Variants in PCDHA13 observed in about 807,000 individuals in gnomAD.
The protein encoded by PCDHA13 is protocadherin alpha-13.
In PCDHA13, 54 loss-of-function variants were observed where a neutral mutation model predicts 64.8. The ratio of observed to expected loss-of-function variants is 0.83; its 90% CI spans 0.67 to 1.04. The LOEUF is 1.04. PCDHA13 is among the 50% of genes least tolerant of loss of function. The probability of loss-of-function intolerance (pLI) is 0.00; values close to 1 mark genes in which losing one functional copy is unlikely to be tolerated. For synonymous variants in PCDHA13, 587 were observed against 564.4 expected (o/e 1.04, Z -0.57); for missense variants, 1,248 against 1,254.3 (o/e 0.99, Z 0.08).
At chr5:140,975,935 C>A (rs1351802479) in intron 1 of PCDHA13, among the ~76,000 whole-genome samples, 1 of 152,060 alleles carries the variant, frequency 6.6e-6, no homozygotes, top group Non-Finnish European at 1.5e-5. Flanking sequence ...ACCTTTGAAG[C>A]AATAGGACAT....
intron 1 of PCDHA13, among the ~76,000 whole-genome samples, chr5:140,957,373 T>C (rs906109440): frequency 6.6e-5 from 10 of 152,310 alleles, no homozygotes; most frequent in African/African-American, 2.2e-4. Context: ...ACTTTTATTA[T>C]AGTGTATTGT....
chr5:140,928,602 G>A (rs927910920), intron 1 of PCDHA13: 26 of 1,614,058 alleles, frequency 1.6e-5, no homozygotes, highest in Non-Finnish European at 2.2e-5. Context: ...TGGAAATTGT[G>A]CCCCGCTCTG....
At chr5:140,923,397 G>A (rs1392831353) in intron 1 of PCDHA13, among the ~76,000 whole-genome samples, 2 of 152,128 alleles carry the variant, frequency 1.3e-5, no homozygotes, top group East Asian at 3.9e-4. Flanking sequence ...GCATGGTGGT[G>A]TGTGCCTATA....
intron 3 of PCDHA13, among the ~76,000 whole-genome samples, chr5:140,988,499 C>CTT (rs2097300398): frequency 6.6e-6 from 1 of 152,138 alleles, no homozygotes; most frequent in Non-Finnish European, 1.5e-5. Context: ...CTAGGAGAAG[C>CTT]CATGAAGCTT....
rs115903226 is a variant in PCDHA13 at position 140,929,361 on chromosome 5, C to A, written c.2394+44699C>A. 4,899 of 1,519,562 alleles carry A rather than the reference C, an allele frequency of 3.2e-3. 25 individuals carry two copies. The highest frequency in any genetic ancestry group is 0.019 in the African/African-American group (1,394 of 71,916). 94.1% of individuals were successfully genotyped at this position (1,519,562 alleles called of 1,614,324 possible). On this transcript the variant is annotated intron_variant, in intron 1 of 3. Coordinates refer to ENST00000289272, the MANE Select transcript of PCDHA13 (RefSeq NM_018904.3). ...TTTATGGAATTTGATTCCTTTGGCC[C>A]GGAGATGGCTGCTAGCTGTGTTTTG...
intron 1 of PCDHA13, among the ~76,000 whole-genome samples, chr5:140,895,632 A>T (rs2065081182): frequency 6.6e-6 from 1 of 152,052 alleles, no homozygotes; most frequent in South Asian, 2.1e-4. Context: ...GTCTTTTCAC[A>T]TTCTTTTTTA....
intron 1 of PCDHA13, among the ~76,000 whole-genome samples, chr5:140,964,804 G>A (rs1484818069): frequency 6.6e-6 from 1 of 152,012 alleles, no homozygotes; most frequent in African/African-American, 2.4e-5. Context: ...CAAGAAAGGA[G>A]ACAGGAATAG....
intron 1 of PCDHA13, chr5:140,968,151 T>C: frequency 6.2e-7 from 1 of 1,614,134 alleles, no homozygotes; most frequent in Non-Finnish European, 8.5e-7. Flanking sequence ...ATCTCTGACA[T>C]CAATGACAAT....
chr5:141,001,529 A>T (rs1344687772), intron 3 of PCDHA13, among the ~76,000 whole-genome samples: 1 of 152,106 alleles, frequency 6.6e-6, no homozygotes, highest in Non-Finnish European at 1.5e-5. Context: ...TCTCTCTCTG[A>T]TCCTGGACAG....
In PCDHA13 at chr5:141,010,916, A is replaced by G. The variant is rs1554263193; in HGVS notation, c.*979A>G. The G allele has an allele frequency of 6.5e-6, 1 of 153,780 alleles. No individual in the cohort carries two copies. The highest frequency in any genetic ancestry group is 2.4e-5 in the African/African-American group (1 of 41,454). 9.5% of individuals were successfully genotyped at this position (153,780 alleles called of 1,614,324 possible). On this transcript the variant is annotated 3_prime_UTR_variant, in exon 4 of 4. Transcript: ENST00000289272. ...ATACAATTCCCCTAAACTCTCCTCAAAAGAGAATTCAGTCTACAGCCATTT... is the reference window on the plus strand; with the variant it reads ...ATACAATTCCCCTAAACTCTCCTCAGAAGAGAATTCAGTCTACAGCCATTT...
At chr5:140,971,527 A>G (rs116818549) in intron 1 of PCDHA13, among the ~76,000 whole-genome samples, 2,035 of 152,284 alleles carry the variant, frequency 0.013, 20 homozygotes, top group Middle Eastern at 0.054. Context: ...CAGTTCTGAA[A>G]GTCATCATTG....
chr5:140,955,867 C>T (rs1208648426), intron 1 of PCDHA13, among the ~76,000 whole-genome samples: 1 of 152,136 alleles, frequency 6.6e-6, no homozygotes, highest in Non-Finnish European at 1.5e-5. Context: ...CTTCACTTCC[C>T]TTTTTAGCTG....
At chr5:140,894,957 T>C (rs530563833) in intron 1 of PCDHA13, among the ~76,000 whole-genome samples, 1 of 152,206 alleles carries the variant, frequency 6.6e-6, no homozygotes, top group African/African-American at 2.4e-5. Flanking sequence ...ATGATAAAAA[T>C]ATAATTTTTT....
intron 1 of PCDHA13, among the ~76,000 whole-genome samples, chr5:140,890,392 T>C (rs2062624449): frequency 6.6e-6 from 1 of 152,212 alleles, no homozygotes; most frequent in Admixed American, 6.5e-5. Flanking sequence ...TTAGATAATC[T>C]ATAAATTTTA....
At chr5:140,929,421 A>G (rs2086144210) in intron 1 of PCDHA13, 2 of 1,502,092 alleles carry the variant, frequency 1.3e-6, no homozygotes, top group Non-Finnish European at 1.8e-6. Flanking sequence ...ACAACATTTC[A>G]TCAATTGAAC....
At chr5:140,942,434 T>C (rs2093297092) in intron 1 of PCDHA13, among the ~76,000 whole-genome samples, 1 of 151,244 alleles carries the variant, frequency 6.6e-6, no homozygotes, top group African/African-American at 2.4e-5. Flanking sequence ...TATCTAACAA[T>C]AAACAAGTAA....
intron 1 of PCDHA13, chr5:140,927,902 C>T (rs782319959): frequency 1.5e-5 from 25 of 1,614,182 alleles, no homozygotes; most frequent in Non-Finnish European, 2.1e-5. Flanking sequence ...AACGATCATG[C>T]CCCCGAACTG....
chr5:140,982,604 A>G, intron 3 of PCDHA13, 41 bp downstream of exon 3: 1 of 1,607,164 alleles, frequency 6.2e-7, no homozygotes, highest in Non-Finnish European at 8.5e-7. Context: ...TGGTTTCTGG[A>G]AAGTGATCAG....
At chr5:140,927,447 G>A (rs1563092229) in intron 1 of PCDHA13, 7 of 1,613,982 alleles carry the variant, frequency 4.3e-6, no homozygotes, top group Non-Finnish European at 5.1e-6. Flanking sequence ...ACCCGGAGTT[G>A]GTGTTGGAGA....
Sources: allele counts gnomAD v4.1 joint callset (sites outside exome capture counted in the v4.1 genomes callset), GRCh38; gene constraint gnomAD v4.1.1; transcripts MANE v1.5; gene names NCBI Gene and HGNC (gene_info 2026-07-23, HGNC 2026-07-21).